The following SMAP1 variants were observed in gnomAD, a reference collection of about 807,000 sequenced individuals.
The protein encoded by SMAP1 is stromal membrane-associated protein 1.
A neutral mutation model predicts 58.5 loss-of-function variants in SMAP1; 24 were observed. That is an observed-to-expected ratio of 0.41 (90% CI 0.30 to 0.58). The LOEUF (loss-of-function observed/expected upper bound fraction) is 0.58. SMAP1 is among the 20% of genes least tolerant of loss of function. The pLI is 0.29. For synonymous variants in SMAP1, 216 were observed against 196.6 expected (o/e 1.10, Z -0.82); for missense variants, 563 against 566.3 (o/e 0.99, Z 0.06).
intron 6 of SMAP1, among the ~76,000 whole-genome samples, chr6:70,814,625 T>G (rs1005543904): frequency 3.9e-5 from 6 of 152,146 alleles, no homozygotes; most frequent in African/African-American, 1.4e-4. Flanking sequence ...ACCATCTGAT[T>G]TCGTCCTGCC....
chr6:70,859,392 AGGT>A lies in SMAP1; in HGVS notation c.1270-804_1270-802del, dbSNP rs1462247052. The A allele has an allele frequency of 1.9e-6, 3 of 1,548,948 alleles. No individual in the cohort carries two copies. In the African/African-American group the frequency reaches 4.1e-5, roughly 21 times the overall value. Reference sequence around the variant, plus strand: ...CAGTGCAATCTACTGGCCAATGACAAGGTGGTTAAAATGTCCTTTAGTAGGTAT... The same window carrying A: ...CAGTGCAATCTACTGGCCAATGACAAGGTTAAAATGTCCTTTAGTAGGTAT... On this transcript the variant is annotated intron_variant, in intron 10 of 10. Coordinates refer to ENST00000370455, the MANE Select transcript of SMAP1 (RefSeq NM_001044305.3).
intron 7 of SMAP1, among the ~76,000 whole-genome samples, chr6:70,850,424 C>T (rs1454293294): frequency 6.6e-6 from 1 of 151,844 alleles, no homozygotes; most frequent in African/African-American, 2.4e-5. Flanking sequence ...GAAATAGTTG[C>T]TTATATTCAG....
At chr6:70,787,077 G>A (rs182647456) in intron 4 of SMAP1, among the ~76,000 whole-genome samples, 3,567 of 152,250 alleles carry the variant, frequency 0.023, 52 homozygotes, top group Non-Finnish European at 0.037. Flanking sequence ...AACCAAAACA[G>A]CATGGTACTG....
intron 4 of SMAP1, 23 bp from the exon 5 acceptor site, chr6:70,791,666 G>A (rs1028586540): frequency 6.3e-7 from 1 of 1,590,428 alleles, no homozygotes; most frequent in Non-Finnish European, 8.6e-7. Flanking sequence ...TTTTCCTCCT[G>A]ACTTTTCACC....
chr6:70,705,731 C>A (rs543518562), intron 1 of SMAP1, among the ~76,000 whole-genome samples: 2 of 152,116 alleles, frequency 1.3e-5, no homozygotes, highest in African/African-American at 4.8e-5. Context: ...ACAGGTATAG[C>A]GTTCTTATTG....
intron 1 of SMAP1, among the ~76,000 whole-genome samples, chr6:70,700,402 G>A (rs1194856438): frequency 6.6e-6 from 1 of 152,148 alleles, no homozygotes; most frequent in African/African-American, 2.4e-5. Flanking sequence ...AGGTTCAAGC[G>A]ATTCTTGTGC....
intron 6 of SMAP1, among the ~76,000 whole-genome samples, chr6:70,830,785 C>T (rs1770325666): frequency 6.6e-6 from 1 of 152,136 alleles, no homozygotes; most frequent in Non-Finnish European, 1.5e-5. Flanking sequence ...TCTGTTGTTC[C>T]TCTCTACACA....
chr6:70,859,816 A>ATATC lies in SMAP1; in HGVS notation c.1270-379_1270-376dup, dbSNP rs538011127. On this transcript the variant is annotated intron_variant, in intron 10 of 10. Coordinates refer to ENST00000370455, the MANE Select transcript of SMAP1 (RefSeq NM_001044305.3). Reference sequence around the variant, plus strand: ...GTATATAAGATTTTAATAGAGAATAATATCTATCATACAAAGTTTATAGGA... The same window carrying ATATC: ...GTATATAAGATTTTAATAGAGAATAATATCTATCTATCATACAAAGTTTATAGGA... 7.3e-5 allele frequency: 13 copies of ATATC among 179,262 alleles called. No individual in the cohort carries two copies. In the South Asian group the frequency reaches 2.1e-3, roughly 29 times the overall value. 11.1% of individuals were successfully genotyped at this position (179,262 alleles called of 1,614,324 possible).
At chr6:70,832,173 C>T (rs538902165) in intron 6 of SMAP1, among the ~76,000 whole-genome samples, 57 of 152,126 alleles carry the variant, frequency 3.7e-4, no homozygotes, top group African/African-American at 1.1e-3. Flanking sequence ...CTTTGTCAGA[C>T]GCATACTTAG....
At chr6:70,683,158 G>C (rs981901282) in intron 1 of SMAP1, among the ~76,000 whole-genome samples, 1 of 145,504 alleles carries the variant, frequency 6.9e-6, no homozygotes, top group Non-Finnish European at 1.5e-5. Context: ...ATACTCTTAA[G>C]ATTTAACTTT....
chr6:70,718,745 G>T (rs1005300132), intron 1 of SMAP1, among the ~76,000 whole-genome samples: 1 of 150,494 alleles, frequency 6.6e-6, no homozygotes, highest in African/African-American at 2.4e-5. Flanking sequence ...CCCTTGAACC[G>T]GGAAGTAGAG....
intron 1 of SMAP1, among the ~76,000 whole-genome samples, chr6:70,672,686 T>G (rs746385139): frequency 1.3e-5 from 2 of 152,026 alleles, no homozygotes; most frequent in Non-Finnish European, 2.9e-5. Context: ...TGAATGAATG[T>G]GTGAATGAAT....
chr6:70,713,606 T>G (rs1223934534), intron 1 of SMAP1, among the ~76,000 whole-genome samples: 1 of 152,248 alleles, frequency 6.6e-6, no homozygotes, highest in African/African-American at 2.4e-5. Flanking sequence ...TTGGACAAGG[T>G]ATTTGATGAT....
chr6:70,785,076 A>T (rs1767947494), intron 4 of SMAP1, among the ~76,000 whole-genome samples: 1 of 152,222 alleles, frequency 6.6e-6, no homozygotes. Context: ...CAGCAAATGT[A>T]AAAGAACAGA....
chr6:70,777,352 T>A lies in SMAP1; in HGVS notation c.414+3927T>A, dbSNP rs141002224. On this transcript the variant is annotated intron_variant, in intron 4 of 10. Coordinates refer to ENST00000370455, the MANE Select transcript of SMAP1 (RefSeq NM_001044305.3). ...CCTATTCGGCCATCTTGGCTCCTCCTGCATTTCTCTGATGATTATTGATTT... is the reference window on the plus strand; with the variant it reads ...CCTATTCGGCCATCTTGGCTCCTCCAGCATTTCTCTGATGATTATTGATTT... Among the ~76,000 whole-genome samples, 909 of 152,356 alleles carry A rather than the reference T, an allele frequency of 6.0e-3. 7 individuals are homozygous for A. Among genetic ancestry groups the A allele is most frequent in the African/African-American group, 0.02 (843 of 41,584 alleles).
intron 1 of SMAP1, among the ~76,000 whole-genome samples, chr6:70,724,970 A>G (rs931450533): frequency 2.6e-5 from 4 of 151,728 alleles, no homozygotes; most frequent in African/African-American, 9.7e-5. Flanking sequence ...TATTTATGAA[A>G]CTTCTATTTA....
chr6:70,725,893 C>G (rs1347742986), intron 1 of SMAP1, among the ~76,000 whole-genome samples: 2 of 152,194 alleles, frequency 1.3e-5, no homozygotes, highest in East Asian at 3.8e-4. Context: ...ATTTGCATCT[C>G]TAAACCTATA....
chr6:70,777,781 C>G (rs1767605468), intron 4 of SMAP1, among the ~76,000 whole-genome samples: 1 of 149,628 alleles, frequency 6.7e-6, no homozygotes, highest in African/African-American at 2.5e-5. Context: ...GAGATGGAGT[C>G]CCCCTGTTTC....
intron 3 of SMAP1, among the ~76,000 whole-genome samples, chr6:70,758,915 A>T (rs1163587121): frequency 2.6e-5 from 4 of 152,086 alleles, no homozygotes; most frequent in Non-Finnish European, 5.9e-5. Context: ...ATGCTTTCTT[A>T]CTTTGGGCAG....
Sources: gnomAD v4.1 joint callset for allele counts (sites outside exome capture counted in the v4.1 genomes callset) on GRCh38, gnomAD v4.1.1 for gene constraint, MANE v1.5 for transcripts, NCBI Gene and HGNC (gene_info 2026-07-23, HGNC 2026-07-21) for gene names.